ZMYM2: variants seen among roughly 807,000 people sequenced by gnomAD.
ZMYM2 encodes zinc finger MYM-type containing 2.
ZMYM2 carries 56 observed loss-of-function variants against 162.8 expected under a neutral mutation model. The observed-to-expected ratio is 0.34, with a 90% confidence interval of 0.28 to 0.43. ZMYM2 has a LOEUF of 0.43. ZMYM2 is among the 20% of genes least tolerant of loss of function. ZMYM2 has a pLI of 1.00. For synonymous variants in ZMYM2, 510 were observed against 541.6 expected, an observed-to-expected ratio of 0.94 and a Z score of 0.81; for missense variants, 1,275 against 1,621.8, an observed-to-expected ratio of 0.79 and a Z score of 3.67.
At chr13:19,992,993 A>C in intron 2 of ZMYM2, 70 bp from the exon 3 acceptor site, 1 of 1,469,124 alleles carries the variant, frequency 6.8e-7, no homozygotes, top group Non-Finnish European at 9.1e-7. Context: ...CCTTTAAATC[A>C]ATGGTTTCAG....
Position 20,086,511 on chromosome 13 carries a change from GGTTTT to G in ZMYM2, c.*507_*511del, listed in dbSNP as rs1958275627. 1 of 216,792 alleles carries G rather than the reference GGTTTT, an allele frequency of 4.6e-6. No individual in the cohort carries two copies. The highest frequency in any genetic ancestry group is 9.3e-6 in the Non-Finnish European group (1 of 107,532). The allele number at this position is 216,792 out of a possible 1,614,324, so 13.4% of individuals were successfully genotyped here. A position where few individuals can be genotyped will look rare whatever the true frequency, so the allele number is the denominator to read the frequency against. ...GGCTGGGGTTTTTGTTTTGTTTTGGGGTTTTGTTTTGTTTGGTTTTACATTTTAGT... is the reference window on the plus strand; with the variant it reads ...GGCTGGGGTTTTTGTTTTGTTTTGGGGTTTTGTTTGGTTTTACATTTTAGT... On this transcript the variant is annotated 3_prime_UTR_variant, in exon 25 of 25. Transcript: ENST00000610343.
In ZMYM2 at chr13:20,064,497, T is replaced by G; in HGVS notation, c.3084T>G (p.Val1028=). 6.2e-7 allele frequency: 1 copy of G among 1,601,308 alleles called. No homozygotes were observed. Among genetic ancestry groups the G allele is most frequent in the African/African-American group, 1.3e-5 (1 of 74,804 alleles). The change falls in exon 19 of 25, where the codon GTT becomes GTG. Residue 1028 remains valine, a synonymous_variant. Coordinates refer to ENST00000610343, the MANE Select transcript of ZMYM2 (RefSeq NM_197968.4). The stretch of plus-strand genomic sequence containing the variant: ...AAAATGAATTTTTATTACCACCTGT[T>G]TTTGGCGAAGAATATGAGGAACAGC... ...DMENEFLLPP[V]FGEEYEEQPR... is the part of the protein sequence containing the mutation.
the ZMYM2 span, among the ~76,000 whole-genome samples, chr13:19,885,914 T>TGTGTGTATACACACATATGTGTGTATAC: frequency 2.6e-5 from 1 of 37,876 alleles, no homozygotes; most frequent in African/African-American, 5.7e-5. Context: ...TATATGTATA[T>TGTGTGTATACACACATATGTGTGTATAC]ACACATATAT....
At chr13:20,082,220 CTTAAA>C (rs917708365) in intron 22 of ZMYM2, 90 bp downstream of exon 22, 11 of 966,706 alleles carry the variant, frequency 1.1e-5, no homozygotes, top group South Asian at 8.4e-5. Flanking sequence ...AATTAAGTCA[CTTAAA>C]TTAGATAACA....
intron 7 of ZMYM2, 111 bp from the exon 8 acceptor site, chr13:20,026,501 A>G (rs1335912684): frequency 2.8e-6 from 3 of 1,059,314 alleles, no homozygotes; most frequent in East Asian, 2.6e-5. Flanking sequence ...AAACCTGTTT[A>G]GAGATTAACA....
chr13:19,890,635 C>A, the ZMYM2 span, among the ~76,000 whole-genome samples: 1 of 151,320 alleles, frequency 6.6e-6, no homozygotes, highest in South Asian at 2.1e-4. Context: ...CTTTGGGAGG[C>A]TGAGGCGGGC....
Position 20,027,203 on chromosome 13 carries a change from G to A in ZMYM2, c.1736G>A (p.Ser579Asn). The stretch of plus-strand genomic sequence containing the variant: ...CAGATATGTACCTTTTCTTTCCTAG[G>A]TTTGGGAATTATTTGCCATTTTTGT... ...SHKTKYAKSQSLGIICHFCKR... is the reference protein window; with the variant it reads ...SHKTKYAKSQNLGIICHFCKR... The change falls in exon 9 of 25, where the codon AGT becomes AAT. Residue 579 changes from serine to asparagine, a missense_variant and splice_region_variant. By Grantham distance (46) the Ser-to-Asn change is conservative. Transcript: ENST00000610343. The A allele has an allele frequency of 6.4e-7, 1 of 1,561,436 alleles. No homozygotes were observed. Among genetic ancestry groups the A allele is most frequent in the Non-Finnish European group, 8.7e-7 (1 of 1,151,404 alleles).
At chr13:19,928,577 A>T in the ZMYM2 span, among the ~76,000 whole-genome samples, 1 of 152,108 alleles carries the variant, frequency 6.6e-6, no homozygotes, top group African/African-American at 2.4e-5. Flanking sequence ...TGGGTGGATC[A>T]CCTGGGGTCC....
At chr13:19,896,419 C>T in the ZMYM2 span, among the ~76,000 whole-genome samples, 2 of 150,060 alleles carry the variant, frequency 1.3e-5, no homozygotes, top group African/African-American at 4.9e-5. Context: ...GTTGGGATTA[C>T]AGGCGTGAGC....
the ZMYM2 span, among the ~76,000 whole-genome samples, chr13:19,908,522 A>G: frequency 6.6e-6 from 1 of 152,178 alleles, no homozygotes; most frequent in South Asian, 2.1e-4. Flanking sequence ...AAGATTGATC[A>G]CTGCATTTAG....
At chr13:20,068,990 A>G (rs1956886235) in intron 21 of ZMYM2, among the ~76,000 whole-genome samples, 2 of 152,110 alleles carry the variant, frequency 1.3e-5, no homozygotes, top group Non-Finnish European at 2.9e-5. Flanking sequence ...AATAAAAACA[A>G]CAAAATAAGG....
At chr13:20,006,835 G>A (rs1950781582) in intron 6 of ZMYM2, among the ~76,000 whole-genome samples, 1 of 152,172 alleles carries the variant, frequency 6.6e-6, no homozygotes, top group Non-Finnish European at 1.5e-5. Flanking sequence ...TAATGATGGA[G>A]TTAAGTCTGG....
intron 18 of ZMYM2, among the ~76,000 whole-genome samples, chr13:20,064,239 AT>A (rs1956499485): frequency 6.6e-6 from 1 of 151,998 alleles, no homozygotes; most frequent in Admixed American, 6.6e-5. Flanking sequence ...TTATGTTGAT[AT>A]TCATTTTATA....
At chr13:19,917,593 AT>A in the ZMYM2 span, among the ~76,000 whole-genome samples, 278 of 76,880 alleles carry the variant, frequency 3.6e-3, 1 homozygote, top group South Asian at 0.047. Flanking sequence ...TCCATCTCAA[AT>A]TTAAAAAAAA....
intron 21 of ZMYM2, among the ~76,000 whole-genome samples, chr13:20,069,165 AAT>A (rs1363614685): frequency 6.6e-6 from 1 of 152,040 alleles, no homozygotes; most frequent in Admixed American, 6.6e-5. Context: ...TTATTTTTTA[AAT>A]ATATCTTAGA....
chr13:19,918,166 C>T, the ZMYM2 span, among the ~76,000 whole-genome samples: 1 of 152,004 alleles, frequency 6.6e-6, no homozygotes, highest in Non-Finnish European at 1.5e-5. Flanking sequence ...TTTTATTGGC[C>T]GCATGTAGTG....
the ZMYM2 span, among the ~76,000 whole-genome samples, chr13:19,943,399 T>C: frequency 6.6e-6 from 1 of 152,226 alleles, no homozygotes; most frequent in East Asian, 1.9e-4. Flanking sequence ...TGGGACACAA[T>C]TAAACTCACA....
rs2141031156 is a variant in ZMYM2, at chr13:20,080,964, A to G, written c.3454-1052A>G. On this transcript the variant is annotated intron_variant, in intron 21 of 24. Transcript: ENST00000610343. ...TGAACCAGTATGTCTGTATTCCAAG[A>G]ACACTTTATAAAAATAGGCATGGGC... Among the ~76,000 whole-genome samples the G allele has an allele frequency of 2.0e-5, 3 of 152,360 alleles. No individual in the cohort carries two copies. The East Asian group carries it at 5.8e-4, about 29-fold the overall frequency.
intron 3 of ZMYM2, among the ~76,000 whole-genome samples, chr13:19,999,399 C>A (rs986070149): frequency 6.6e-6 from 1 of 152,046 alleles, no homozygotes; most frequent in Non-Finnish European, 1.5e-5. Context: ...ATATCTGTTA[C>A]GGTGATCTGT....
Sources: allele counts gnomAD v4.1 joint callset (sites outside exome capture counted in the v4.1 genomes callset), GRCh38; gene constraint gnomAD v4.1.1; transcripts MANE v1.5; gene names NCBI Gene and HGNC (gene_info 2026-07-23, HGNC 2026-07-21).